The following LNX1 variants were observed in gnomAD, a reference collection of about 807,000 sequenced individuals.
LNX1 encodes E3 ubiquitin-protein ligase LNX.
In LNX1, 54 loss-of-function variants were observed where a neutral mutation model predicts 68.4. The ratio of observed to expected loss-of-function variants is 0.79; its 90% CI spans 0.63 to 0.99. The LOEUF is 0.99. Ranked by LOEUF, LNX1 falls within the 50% of genes least tolerant of loss-of-function variation. The pLI is 0.00. For synonymous variants in LNX1, 336 were observed against 350.0 expected (o/e 0.96, Z 0.45); for missense variants, 906 against 926.4 (o/e 0.98, Z 0.29).
rs76659636 is a variant in LNX1, at chr4:53,520,207, C to A, written c.381-11980G>T. On this transcript the variant is annotated intron_variant, in intron 2 of 10. Transcript: ENST00000263925. The stretch of plus-strand genomic sequence containing the variant: ...GCACAGCCTCTCACAGCAACCCCTG[C>A]GGGTCCAAACCTTATGCAGTTGCAG... Among the ~76,000 whole-genome samples the A allele has an allele frequency of 3.2e-3, 482 of 152,286 alleles. 1 individual carries two copies. Among genetic ancestry groups the A allele is most frequent in the African/African-American group, 9.6e-3 (398 of 41,572 alleles).
intron 2 of LNX1, among the ~76,000 whole-genome samples, chr4:53,526,315 G>A (rs1287196945): frequency 6.6e-6 from 1 of 152,144 alleles, no homozygotes; most frequent in Non-Finnish European, 1.5e-5. Context: ...CTGGTTATTA[G>A]TGAGACACAA....
chr4:53,496,120 T>C lies in LNX1; in HGVS notation c.1253A>G (p.Tyr418Cys), dbSNP rs753998864. 2 of 1,614,070 alleles carry C rather than the reference T, an allele frequency of 1.2e-6. No homozygotes were observed. The highest frequency in any genetic ancestry group is 1.7e-6 in the Non-Finnish European group (2 of 1,180,026). ...IFNVLDGGVA[Y>C]RHGQLEENDR... The stretch of plus-strand genomic sequence containing the variant: ...ATTCTCCTCAAGCTGACCATGTCGA[T>C]ATGCCACACCGCCATCCAGCACATT... The change falls in exon 6 of 11, where the codon TAT (tyrosine) becomes TGT (cysteine). Residue 418 changes from tyrosine (Y) to cysteine (C), a missense_variant. Tyr to Cys is a radical substitution (Grantham distance 194). Transcript: ENST00000263925.
intron 1 of LNX1, among the ~76,000 whole-genome samples, chr4:53,581,717 T>G (rs1420918649): frequency 1.3e-5 from 2 of 151,998 alleles, no homozygotes; most frequent in Non-Finnish European, 1.5e-5. Context: ...TTCAATTACC[T>G]CCCCTTGCGT....
intron 6 of LNX1, among the ~76,000 whole-genome samples, chr4:53,482,522 G>T (rs919996972): frequency 2.0e-5 from 3 of 152,110 alleles, no homozygotes; most frequent in Admixed American, 6.5e-5. Flanking sequence ...ATACTACTCA[G>T]CCACAAAAAA....
At chr4:53,575,459 T>G in intron 1 of LNX1, 2 of 968,474 alleles carry the variant, frequency 2.1e-6, no homozygotes, top group Non-Finnish European at 2.5e-6. Flanking sequence ...ATGAGTTTGA[T>G]ATGCAGACCT....
chr4:53,647,954 T>C (rs1734949608), intron 1 of LNX1, among the ~76,000 whole-genome samples: 1 of 152,288 alleles, frequency 6.6e-6, no homozygotes, highest in Non-Finnish European at 1.5e-5. Context: ...CCTTCCTTTT[T>C]AAGGCTGAAT....
chr4:53,567,522 A>G (rs557246306), intron 2 of LNX1, among the ~76,000 whole-genome samples: 3 of 152,370 alleles, frequency 2.0e-5, no homozygotes, highest in African/African-American at 7.2e-5. Flanking sequence ...TTATAGCACT[A>G]AGTGCCCACA....
intron 2 of LNX1, chr4:53,604,096 A>G (rs1434076600): frequency 6.6e-6 from 1 of 152,180 alleles, no homozygotes; most frequent in Non-Finnish European, 1.5e-5. Flanking sequence ...TCTATTAATA[A>G]TTCCTGTAGA....
chr4:53,494,307 T>C (rs992399053), intron 6 of LNX1, among the ~76,000 whole-genome samples: 1 of 152,238 alleles, frequency 6.6e-6, no homozygotes, highest in African/African-American at 2.4e-5. Flanking sequence ...GCCATGATTG[T>C]GAGGCCTCCC....
chr4:53,580,430 T>C (rs996342386), intron 1 of LNX1, among the ~76,000 whole-genome samples: 1 of 152,174 alleles, frequency 6.6e-6, no homozygotes, highest in African/African-American at 2.4e-5. Context: ...CAAAACTCCA[T>C]GCCAGAGTGA....
At chr4:53,632,930 T>G (rs1468608871) in intron 1 of LNX1, among the ~76,000 whole-genome samples, 10 of 152,250 alleles carry the variant, frequency 6.6e-5, no homozygotes, top group Admixed American at 1.3e-4. Flanking sequence ...TCAAGATATA[T>G]CCTATGTACA....
chr4:53,651,064 C>T (rs1456608855), intron 1 of LNX1, among the ~76,000 whole-genome samples: 2 of 152,036 alleles, frequency 1.3e-5, no homozygotes, highest in African/African-American at 2.4e-5. Context: ...ACTGAGGTAC[C>T]CCAAAATGCA....
chr4:53,472,325 CG>C (rs905977733), intron 9 of LNX1, among the ~76,000 whole-genome samples: 97 of 151,236 alleles, frequency 6.4e-4, no homozygotes, highest in African/African-American at 2.2e-3. Flanking sequence ...CATCACACAC[CG>C]GGGACTGTTG....
intron 1 of LNX1, among the ~76,000 whole-genome samples, chr4:53,583,932 AAACAACAACAACAACAAC>A (rs57272023): frequency 0.018 from 2,746 of 149,864 alleles, 105 homozygotes; most frequent in African/African-American, 0.063. Context: ...GACCCCCTGC[AAACAACAACAACAACAAC>A]AACAACAACA....
intron 1 of LNX1, among the ~76,000 whole-genome samples, chr4:53,639,124 A>G (rs1734583252): frequency 6.6e-6 from 1 of 152,234 alleles, no homozygotes; most frequent in African/African-American, 2.4e-5. Context: ...AATATGGTAC[A>G]TATACACCAT....
chr4:53,480,119 C>T (rs1723817275), intron 7 of LNX1, among the ~76,000 whole-genome samples: 1 of 152,038 alleles, frequency 6.6e-6, no homozygotes, highest in Non-Finnish European at 1.5e-5. Context: ...GTTTCCTAAA[C>T]CAAACAAGAT....
At chr4:53,483,332 C>T (rs994756822) in intron 6 of LNX1, among the ~76,000 whole-genome samples, 3 of 152,180 alleles carry the variant, frequency 2.0e-5, no homozygotes, top group Non-Finnish European at 4.4e-5. Context: ...GACCCATTCT[C>T]GGGTATGTCT....
intron 2 of LNX1, among the ~76,000 whole-genome samples, chr4:53,555,587 C>T (rs1448027010): frequency 6.6e-6 from 1 of 152,136 alleles, no homozygotes; most frequent in Non-Finnish European, 1.5e-5. Context: ...AAGGAGGTAC[C>T]ATGCCTCAAT....
chr4:53,463,704 G>T (rs1722391124), intron 9 of LNX1, among the ~76,000 whole-genome samples: 1 of 152,042 alleles, frequency 6.6e-6, no homozygotes, highest in African/African-American at 2.4e-5. Flanking sequence ...GAAAATTATG[G>T]TTACCTCAAG....
Sources: allele counts gnomAD v4.1 joint callset (sites outside exome capture counted in the v4.1 genomes callset), GRCh38; gene constraint gnomAD v4.1.1; transcripts MANE v1.5; gene names NCBI Gene and HGNC (gene_info 2026-07-23, HGNC 2026-07-21).